The following FMN1 variants were observed in gnomAD, a reference collection of about 807,000 sequenced individuals.
FMN1 encodes the protein formin 1, also known as formin-1.
A neutral mutation model predicts 132.4 loss-of-function variants in FMN1; 110 were observed. That is an observed-to-expected ratio of 0.83 (90% CI 0.71 to 0.97). The LOEUF (loss-of-function observed/expected upper bound fraction) is 0.97, where lower values mean the gene tolerates loss of function less well. Among genes scored for constraint, FMN1 ranks in the 50% least tolerant of loss-of-function variants. The probability of loss-of-function intolerance (pLI) is 0.00; values close to 1 mark genes in which losing one functional copy is unlikely to be tolerated. For missense variants in FMN1, 1,792 were observed against 1,705.3 expected (o/e 1.05, Z -0.90); for synonymous variants, 722 against 651.7 (o/e 1.11, Z -1.64).
intron 4 of FMN1, among the ~76,000 whole-genome samples, chr15:33,140,273 G>A (rs1030121863): frequency 1.3e-5 from 2 of 151,108 alleles, no homozygotes; most frequent in Non-Finnish European, 2.9e-5. Flanking sequence ...AATTGAGAGC[G>A]GGAAACACAT....
chr15:33,067,440 C>A, intron 5 of FMN1: 1 of 1,614,028 alleles, frequency 6.2e-7, no homozygotes. Context: ...TCATCAGAGT[C>A]AGAATCACTG....
intron 4 of FMN1, among the ~76,000 whole-genome samples, chr15:33,097,069 GGATCACTT>G (rs1191082472): frequency 6.6e-6 from 1 of 152,084 alleles, no homozygotes; most frequent in Non-Finnish European, 1.5e-5. Flanking sequence ...CGAGGTGGGT[GGATCACTT>G]AAGCTCACGA....
At chr15:32,834,104 T>C (rs2058568775) in intron 17 of FMN1, among the ~76,000 whole-genome samples, 1 of 152,230 alleles carries the variant, frequency 6.6e-6, no homozygotes, top group African/African-American at 2.4e-5. Context: ...GGCTGGACCC[T>C]AGCATGCCTG....
intron 9 of FMN1, among the ~76,000 whole-genome samples, chr15:32,929,762 T>G (rs2061057626): frequency 1.5e-5 from 2 of 132,008 alleles, no homozygotes. Flanking sequence ...ATGACAAGAT[T>G]TCCTTTTTTT....
At chr15:32,879,838 T>A (rs1434759597) in intron 16 of FMN1, among the ~76,000 whole-genome samples, 1 of 145,654 alleles carries the variant, frequency 6.9e-6, no homozygotes, top group Non-Finnish European at 1.5e-5. Context: ...CACAAATGCT[T>A]TGTTTCATTG....
At chr15:33,121,168 AACAACAAC>A (rs1962518860) in intron 4 of FMN1, among the ~76,000 whole-genome samples, 1 of 151,584 alleles carries the variant, frequency 6.6e-6, no homozygotes, top group Admixed American at 6.6e-5. Context: ...GACTTAGATC[AACAACAAC>A]AAAAAATTAA....
At chr15:33,105,841 G>C (rs953833563) in intron 4 of FMN1, 2 of 151,938 alleles carry the variant, frequency 1.3e-5, no homozygotes, top group South Asian at 4.2e-4. Context: ...ACGACTCAAA[G>C]AACAGGGTGC....
rs2056487425 is a variant in FMN1 at position 32,777,667 on chromosome 15, C to CATAACACATTTATATATTACGTATAACAT, written c.4131-777_4131-749dup. On this transcript the variant is annotated intron_variant, in intron 19 of 20. Coordinates refer to ENST00000616417, the MANE Select transcript of FMN1 (RefSeq NM_001277313.2). ...TAACACATTTATATATTACGTATAA[C>CATAACACATTTATATATTACGTATAACAT]ATAACACATTTATATATTACGTATA... Among the ~76,000 whole-genome samples, 11 of 102,690 alleles carry CATAACACATTTATATATTACGTATAACAT rather than the reference C, an allele frequency of 1.1e-4. No homozygotes were observed. The South Asian group carries it at 2.9e-3, about 27-fold the overall frequency. 67.4% of individuals were successfully genotyped at this position (102,690 alleles called of 152,430 possible). A position where few individuals can be genotyped will look rare whatever the true frequency, so the allele number is the denominator to read the frequency against.
rs149531314 is a variant in FMN1, at chr15:33,090,078, C to T, written c.1868-1104G>A. Among the ~76,000 whole-genome samples, 17 of 152,338 alleles carry T rather than the reference C, an allele frequency of 1.1e-4. No homozygotes were observed. In the East Asian group the frequency reaches 2.7e-3, roughly 24 times the overall value. On this transcript the variant is annotated intron_variant, in intron 4 of 20. Coordinates refer to ENST00000616417, the MANE Select transcript of FMN1 (RefSeq NM_001277313.2). ...TACTGGACACTTCTAATGTTTCATA[C>T]AGCACTCAAGTTCCTAGTCCTCTTT...
At chr15:32,923,133 G>A (rs2060874882) in intron 10 of FMN1, among the ~76,000 whole-genome samples, 1 of 152,174 alleles carries the variant, frequency 6.6e-6, no homozygotes, top group South Asian at 2.1e-4. Context: ...TACGACCACA[G>A]GGCTGAAGAA....
intron 7 of FMN1, among the ~76,000 whole-genome samples, chr15:32,995,782 A>T (rs1229614048): frequency 6.6e-6 from 1 of 152,242 alleles, no homozygotes; most frequent in Non-Finnish European, 1.5e-5. Context: ...TATCTTACTC[A>T]GAACCGTTCC....
chr15:32,840,822 C>G (rs28648031), intron 17 of FMN1, among the ~76,000 whole-genome samples: 2 of 151,994 alleles, frequency 1.3e-5, no homozygotes, highest in African/African-American at 4.8e-5. Context: ...ACTGAAATAC[C>G]GAAAAGAAAA....
chr15:33,019,896 C>T (rs2035325463), intron 6 of FMN1, among the ~76,000 whole-genome samples: 3 of 152,194 alleles, frequency 2.0e-5, no homozygotes, highest in African/African-American at 7.2e-5. Flanking sequence ...CCGGCTCCGG[C>T]CTCAGCCAGC....
At chr15:33,124,028 C>T (rs1347994537) in intron 4 of FMN1, among the ~76,000 whole-genome samples, 1 of 152,208 alleles carries the variant, frequency 6.6e-6, no homozygotes, top group African/African-American at 2.4e-5. Flanking sequence ...CAGCAAAGGA[C>T]TGGGGAACTA....
intron 9 of FMN1, among the ~76,000 whole-genome samples, chr15:32,957,917 A>G (rs1447391628): frequency 6.6e-6 from 1 of 152,146 alleles, no homozygotes; most frequent in East Asian, 1.9e-4. Flanking sequence ...CTGGTTCTTA[A>G]TTTGGTTACT....
chr15:33,137,917 C>T (rs1163412341), intron 4 of FMN1, among the ~76,000 whole-genome samples: 1 of 152,152 alleles, frequency 6.6e-6, no homozygotes, highest in Non-Finnish European at 1.5e-5. Flanking sequence ...TGGGTTCTGC[C>T]TCTTATTAGC....
At position 33,068,590 on chromosome 15, in the gene FMN1, G is replaced by C. The variant is rs533432598; in HGVS notation, c.2044-3516C>G. ...GAAAGCAATAGATCATCTCAAAAGT[G>C]CCTAGAACTCTCAAAGCAGTTAATT... On this transcript the variant is annotated intron_variant, in intron 5 of 20. Coordinates refer to ENST00000616417, the MANE Select transcript of FMN1 (RefSeq NM_001277313.2). 2.6e-5 allele frequency among the ~76,000 whole-genome samples: 4 copies of C among 151,942 alleles called. No homozygotes were observed. In the South Asian group the frequency reaches 8.3e-4, roughly 32 times the overall value.
intron 9 of FMN1, among the ~76,000 whole-genome samples, chr15:32,934,002 T>C (rs562813856): frequency 2.0e-4 from 31 of 152,282 alleles, no homozygotes; most frequent in South Asian, 1.9e-3. Flanking sequence ...AGGCAAGAAC[T>C]TATTATTGCT....
rs1169024403 is a variant in FMN1, at chr15:32,957,044, C to G, written c.3138+7063G>C. On this transcript the variant is annotated intron_variant, in intron 9 of 20. Transcript: ENST00000616417. ...GCTGAACCATCACAACCCCCTTCCC[C>G]CAAAGTGTTTGGGGAATAGCCATTA... is the stretch of plus-strand genomic sequence containing the variant. 3.3e-5 allele frequency among the ~76,000 whole-genome samples: 5 copies of G among 152,166 alleles called. No homozygotes were observed. The East Asian group carries it at 9.7e-4, about 29-fold the overall frequency.
Sources: gnomAD v4.1 joint callset for allele counts (sites outside exome capture counted in the v4.1 genomes callset) on GRCh38, gnomAD v4.1.1 for gene constraint, MANE v1.5 for transcripts, NCBI Gene and HGNC (gene_info 2026-07-23, HGNC 2026-07-21) for gene names.